ZFAND3: variants seen among roughly 807,000 people sequenced by gnomAD.
The protein encoded by ZFAND3 is AN1-type zinc finger protein 3.
A neutral mutation model predicts 29.6 loss-of-function variants in ZFAND3; 10 were observed. That is an observed-to-expected ratio of 0.34 (90% CI 0.21 to 0.57). ZFAND3 has a LOEUF of 0.57. Ranked by LOEUF, ZFAND3 falls within the 20% of genes least tolerant of loss-of-function variation. ZFAND3 has a pLI of 0.86. For synonymous variants in ZFAND3, 128 were observed against 112.6 expected (o/e 1.14, Z -0.87); for missense variants, 230 against 304.5 (o/e 0.76, Z 1.82).
intron 1 of ZFAND3, among the ~76,000 whole-genome samples, chr6:37,826,294 G>A (rs1763758800): frequency 6.6e-6 from 1 of 152,176 alleles, no homozygotes; most frequent in South Asian, 2.1e-4. Flanking sequence ...TTCCAACTGT[G>A]TGGATGACAC....
At chr6:38,039,390 T>G (rs999002752) in intron 2 of ZFAND3, among the ~76,000 whole-genome samples, 1 of 152,220 alleles carries the variant, frequency 6.6e-6, no homozygotes, top group African/African-American at 2.4e-5. Flanking sequence ...AATGACCTAA[T>G]TGGCCACTTT....
intron 5 of ZFAND3, among the ~76,000 whole-genome samples, chr6:38,119,909 G>A (rs73730893): frequency 0.033 from 4,967 of 152,290 alleles, 220 homozygotes; most frequent in African/African-American, 0.096. Flanking sequence ...TGGGCTTTCA[G>A]TAAGGAGGAA....
intron 5 of ZFAND3, among the ~76,000 whole-genome samples, chr6:38,151,096 G>A (rs1324236572): frequency 2.0e-5 from 3 of 152,326 alleles, no homozygotes; most frequent in Admixed American, 6.5e-5. Flanking sequence ...CTCCACATGC[G>A]TATCGGCCGC....
chr6:37,931,534 C>T (rs1761594299), intron 2 of ZFAND3, among the ~76,000 whole-genome samples: 2 of 145,326 alleles, frequency 1.4e-5, no homozygotes, highest in African/African-American at 5.1e-5. Flanking sequence ...CAGAGTGAGA[C>T]TCCGTCTCAA....
chr6:37,853,266 A>G (rs981661170), intron 1 of ZFAND3, among the ~76,000 whole-genome samples: 1 of 152,108 alleles, frequency 6.6e-6, no homozygotes, highest in African/African-American at 2.4e-5. Flanking sequence ...AAATTGCATC[A>G]TGGAAGATCA....
intron 4 of ZFAND3, among the ~76,000 whole-genome samples, chr6:38,087,509 G>A (rs1764779605): frequency 6.6e-6 from 1 of 151,948 alleles, no homozygotes. Context: ...TCTAATAATC[G>A]ATCAAAAAAA....
chr6:37,918,971 T>TTTTTTTTTA, intron 1 of ZFAND3, among the ~76,000 whole-genome samples: 1 of 111,956 alleles, frequency 8.9e-6, no homozygotes, highest in African/African-American at 3.1e-5. Flanking sequence ...TTTTTTTTTT[T>TTTTTTTTTA]GAGACGGAGT....
intron 4 of ZFAND3, among the ~76,000 whole-genome samples, chr6:38,104,597 T>A (rs1258241851): frequency 6.6e-6 from 1 of 152,100 alleles, no homozygotes; most frequent in African/African-American, 2.4e-5. Context: ...AATGAATAAA[T>A]TAAGTACTAT....
intron 2 of ZFAND3, among the ~76,000 whole-genome samples, chr6:37,988,390 G>T (rs545108170): frequency 2.2e-4 from 33 of 152,272 alleles, no homozygotes; most frequent in African/African-American, 7.7e-4. Flanking sequence ...CCTTGCTGTG[G>T]TATCTCACTA....
At chr6:38,093,500 A>G (rs1561996401) in intron 4 of ZFAND3, among the ~76,000 whole-genome samples, 3 of 152,218 alleles carry the variant, frequency 2.0e-5, no homozygotes, top group Non-Finnish European at 4.4e-5. Context: ...TGTGCAAATG[A>G]ATAAAGAAGA....
chr6:37,831,727 TAC>T (rs1411038638), intron 1 of ZFAND3, among the ~76,000 whole-genome samples: 1 of 152,086 alleles, frequency 6.6e-6, no homozygotes, highest in African/African-American at 2.4e-5. Context: ...GAACAGCATG[TAC>T]AGAGAGGCAC....
At chr6:37,870,742 G>C (rs368837797) in intron 1 of ZFAND3, among the ~76,000 whole-genome samples, 1 of 152,096 alleles carries the variant, frequency 6.6e-6, no homozygotes. Context: ...AGAGGGCAGT[G>C]GTGCGATTAT....
chr6:38,032,971 G>T (rs1763589935), intron 2 of ZFAND3, among the ~76,000 whole-genome samples: 1 of 152,138 alleles, frequency 6.6e-6, no homozygotes, highest in African/African-American at 2.4e-5. Context: ...CCCAAGCCTT[G>T]ATTGCCTCCC....
intron 2 of ZFAND3, among the ~76,000 whole-genome samples, chr6:37,963,283 A>C (rs1400681813): frequency 1.3e-5 from 2 of 152,230 alleles, no homozygotes; most frequent in Admixed American, 6.5e-5. Context: ...GAAATGGAAA[A>C]ATTCCTTGAA....
In ZFAND3 at chr6:37,839,354, G is replaced by A. The variant is rs772229497; in HGVS notation, c.71+19338G>A. On this transcript the variant is annotated intron_variant, in intron 1 of 5. Coordinates refer to ENST00000287218, the MANE Select transcript of ZFAND3 (RefSeq NM_021943.3). ...TGCCACCATGCCTAGCTAATTTTTTGTATTTTTAGTAGAGACGGGGTTTCA... is the reference window on the plus strand; with the variant it reads ...TGCCACCATGCCTAGCTAATTTTTTATATTTTTAGTAGAGACGGGGTTTCA... Among the ~76,000 whole-genome samples the A allele has an allele frequency of 2.0e-5, 3 of 150,522 alleles. No individual in the cohort carries two copies. The South Asian group carries it at 6.3e-4, about 32-fold the overall frequency.
At position 37,819,827 on chromosome 6, in the gene ZFAND3, C is replaced by G; in HGVS notation, c.-119C>G. ...ACTCGCGCCCGCCCGCGCGCCCGCT[C>G]CTTCCCCCTCCCCCCGCCCCGAGCC... On this transcript the variant is annotated 5_prime_UTR_variant, in exon 1 of 6. Transcript: ENST00000287218. The G allele has an allele frequency of 1.9e-6, 1 of 524,832 alleles. No individual in the cohort carries two copies. Among genetic ancestry groups the G allele is most frequent in the Non-Finnish European group, 2.6e-6 (1 of 388,026 alleles). The allele number at this position is 524,832 out of a possible 1,614,324, so 32.5% of individuals were successfully genotyped here.
intron 2 of ZFAND3, among the ~76,000 whole-genome samples, chr6:37,935,606 AAAGTT>A (rs1761684171): frequency 6.6e-6 from 1 of 152,200 alleles, no homozygotes. Flanking sequence ...TGCACATAGT[AAAGTT>A]ATTTTGTGAA....
chr6:38,141,724 G>T lies in ZFAND3; in HGVS notation c.530-10511G>T, dbSNP rs1765960473. Among the ~76,000 whole-genome samples the T allele has an allele frequency of 2.0e-5, 3 of 152,210 alleles. No homozygotes were observed. The South Asian group carries it at 6.2e-4, about 32-fold the overall frequency. The stretch of plus-strand genomic sequence containing the variant: ...ATGGAACCAGAATCTAGATGGGGAG[G>T]TAAAAGCAAGTGGGGCAGAAAAAAT... On this transcript the variant is annotated intron_variant, in intron 5 of 5. Transcript: ENST00000287218.
intron 5 of ZFAND3, among the ~76,000 whole-genome samples, chr6:38,145,632 T>C (rs1766089319): frequency 6.6e-6 from 1 of 152,036 alleles, no homozygotes; most frequent in Non-Finnish European, 1.5e-5. Flanking sequence ...AATGAGTAAT[T>C]TTAGAGATCT....
Sources: gnomAD v4.1 joint callset for allele counts (sites outside exome capture counted in the v4.1 genomes callset) on GRCh38, gnomAD v4.1.1 for gene constraint, MANE v1.5 for transcripts, NCBI Gene and HGNC (gene_info 2026-07-23, HGNC 2026-07-21) for gene names.